AMBRA1: variants seen among roughly 807,000 people sequenced by gnomAD.
AMBRA1 encodes activating molecule in BECN1-regulated autophagy protein 1.
AMBRA1 carries 47 observed loss-of-function variants against 125.4 expected under a neutral mutation model. The ratio of observed to expected loss-of-function variants is 0.37; its 90% CI spans 0.30 to 0.48. AMBRA1 has a LOEUF of 0.48. Among genes scored for constraint, AMBRA1 ranks in the 20% least tolerant of loss-of-function variants. AMBRA1 has a pLI of 0.99. For missense variants in AMBRA1, 1,331 were observed against 1,693.4 expected, an observed-to-expected ratio of 0.79 and a Z score of 3.76; for synonymous variants, 626 against 655.5, an observed-to-expected ratio of 0.95 and a Z score of 0.69.
chr11:46,558,273 G>A (rs552006252), intron 1 of AMBRA1, among the ~76,000 whole-genome samples: 123 of 151,862 alleles, frequency 8.1e-4, no homozygotes, highest in African/African-American at 2.9e-3. Flanking sequence ...TAATATCACC[G>A]GGCGCAGTCG....
chr11:46,427,940 C>A (rs927675275), intron 14 of AMBRA1, among the ~76,000 whole-genome samples: 5 of 133,460 alleles, frequency 3.7e-5, no homozygotes, highest in African/African-American at 1.4e-4. Context: ...ACCCAGGTGG[C>A]GGAGGTTGCA....
At chr11:46,526,463 CT>C (rs953911404) in intron 7 of AMBRA1, among the ~76,000 whole-genome samples, 6 of 150,052 alleles carry the variant, frequency 4.0e-5, no homozygotes, top group Admixed American at 6.7e-5. Context: ...AGAACTGTCA[CT>C]TTTGGAAACC....
intron 1 of AMBRA1, among the ~76,000 whole-genome samples, chr11:46,576,172 C>T (rs993172681): frequency 6.6e-6 from 1 of 151,904 alleles, no homozygotes; most frequent in Non-Finnish European, 1.5e-5. Flanking sequence ...ATGTGAAATC[C>T]AAAAAGATTT....
chr11:46,403,969 G>C (rs1183557724), intron 17 of AMBRA1, among the ~76,000 whole-genome samples: 1 of 152,184 alleles, frequency 6.6e-6, no homozygotes, highest in Admixed American at 6.5e-5. Context: ...GGAGGCCAAG[G>C]TGGGAGGATC....
intron 17 of AMBRA1, among the ~76,000 whole-genome samples, chr11:46,406,371 TTA>T (rs1491261154): frequency 1.3e-4 from 3 of 23,308 alleles, no homozygotes; most frequent in African/African-American, 2.5e-4. Context: ...TATCTTTAAA[TTA>T]AAAAAAAAAA....
intron 11 of AMBRA1, among the ~76,000 whole-genome samples, chr11:46,452,153 T>C (rs1948633526): frequency 6.6e-6 from 1 of 152,098 alleles, no homozygotes; most frequent in South Asian, 2.1e-4. Context: ...ACTATTCAAA[T>C]AAATGTCTAT....
chr11:46,454,404 T>C (rs1253576748), intron 11 of AMBRA1, among the ~76,000 whole-genome samples: 23 of 151,492 alleles, frequency 1.5e-4, no homozygotes, highest in Admixed American at 1.3e-4. Flanking sequence ...CAGGATTACA[T>C]GGCCACAGCA....
chr11:46,532,664 T>A (rs1336966271), intron 7 of AMBRA1, among the ~76,000 whole-genome samples: 1 of 152,224 alleles, frequency 6.6e-6, no homozygotes. Flanking sequence ...CTCAAACTCC[T>A]GACCTTGTGA....
In AMBRA1 at chr11:46,542,351, T is replaced by G; in HGVS notation, c.1666A>C (p.Asn556His). 1 of 1,614,124 alleles carries G rather than the reference T, an allele frequency of 6.2e-7. No individual in the cohort carries two copies. The highest frequency in any genetic ancestry group is 1.1e-5 in the South Asian group (1 of 91,074). Residue 556 changes from asparagine to histidine, a missense_variant, in exon 7 of 18, where the codon AAC becomes CAC. By Grantham distance (68) the Asn-to-His change is moderately conservative. This residue lies in a region of AMBRA1 where 689 missense variants were observed against 776.5 expected (regional missense o/e 0.89). Transcript: ENST00000683756. The surrounding 1 kb of genome is among the most constrained non-coding windows in gnomAD (Gnocchi z 5.9). ...TGGCCACGGGACAGGTTGGAGTTGT[T>G]CTCACTGCTGTGTGGGGTGGGCTGG... The part of the protein sequence containing the change: ...SHQPTPHSSE[N>H]NSNLSRGHLN...
intron 1 of AMBRA1, among the ~76,000 whole-genome samples, chr11:46,557,714 G>A (rs1565294275): frequency 6.6e-6 from 1 of 151,988 alleles, no homozygotes; most frequent in African/African-American, 2.4e-5. Flanking sequence ...AGGCTGAGGT[G>A]GGAGGATAGC....
At position 46,418,290 on chromosome 11, in the gene AMBRA1, TATAA is replaced by T. The variant is rs1277517137; in HGVS notation, c.2977-242_2977-239del. On this transcript the variant is annotated intron_variant, in intron 14 of 17. Coordinates refer to ENST00000683756, the MANE Select transcript of AMBRA1 (RefSeq NM_001387011.1). Reference sequence around the variant, plus strand: ...TATATAATATGTTTTATTATTTATATATAAATATATAATATATATTTTATTATTT... The same window carrying T: ...TATATAATATGTTTTATTATTTATATATATATAATATATATTTTATTATTT... Among the ~76,000 whole-genome samples, 31 of 141,864 alleles carry T rather than the reference TATAA, an allele frequency of 2.2e-4. No homozygotes were observed. In the East Asian group the frequency reaches 3.9e-3, roughly 18 times the overall value. The allele number at this position is 141,864 out of a possible 152,430, so 93.1% of individuals were successfully genotyped here.
At chr11:46,505,556 A>G (rs1363295866) in intron 9 of AMBRA1, among the ~76,000 whole-genome samples, 1 of 152,172 alleles carries the variant, frequency 6.6e-6, no homozygotes, top group Non-Finnish European at 1.5e-5. Context: ...GTATGAGAGA[A>G]ATCAGTCCAT....
chr11:46,495,028 A>C (rs1231479619), intron 9 of AMBRA1: 1 of 152,256 alleles, frequency 6.6e-6, no homozygotes, highest in East Asian at 1.9e-4. Flanking sequence ...TCACATAACT[A>C]GTAAGTGGTT....
intron 1 of AMBRA1, among the ~76,000 whole-genome samples, chr11:46,554,991 G>T (rs563537938): frequency 1.3e-5 from 2 of 152,234 alleles, no homozygotes; most frequent in African/African-American, 4.8e-5. Flanking sequence ...AAGGTTGCTT[G>T]AGTCCAGGAG....
chr11:46,496,730 G>A (rs189346362), intron 9 of AMBRA1, among the ~76,000 whole-genome samples: 34 of 151,864 alleles, frequency 2.2e-4, no homozygotes, highest in Admixed American at 1.5e-3. Flanking sequence ...CCCGTACAAC[G>A]TAGGTCACAA....
At chr11:46,407,331 G>A (rs1946073442) in intron 17 of AMBRA1, among the ~76,000 whole-genome samples, 1 of 152,248 alleles carries the variant, frequency 6.6e-6, no homozygotes, top group Admixed American at 6.5e-5. Flanking sequence ...CTACTGAGAG[G>A]GCTGGCCTGC....
intron 14 of AMBRA1, among the ~76,000 whole-genome samples, chr11:46,421,853 T>C (rs541860901): frequency 6.6e-6 from 1 of 152,330 alleles, no homozygotes; most frequent in Admixed American, 6.5e-5. Flanking sequence ...AGTCCCCTTT[T>C]AGATTTCCAC....
chr11:46,533,472 G>A (rs964402599), intron 7 of AMBRA1, among the ~76,000 whole-genome samples: 1 of 152,162 alleles, frequency 6.6e-6, no homozygotes, highest in Non-Finnish European at 1.5e-5. Flanking sequence ...CTTGTTTGGA[G>A]GTTGGGGAAG....
In AMBRA1 at chr11:46,409,489, C is replaced by T. The variant is rs1157192143; in HGVS notation, c.3210-783G>A. On this transcript the variant is annotated intron_variant, in intron 16 of 17. Coordinates refer to ENST00000683756, the MANE Select transcript of AMBRA1 (RefSeq NM_001387011.1). ...CTGGGATTACAGGCATGAGCCACCG[C>T]GCCCATCCAGGACTGGAACTCTTAT... is the stretch of plus-strand genomic sequence containing the variant. 4.6e-5 allele frequency among the ~76,000 whole-genome samples: 7 copies of T among 152,292 alleles called. No homozygotes were observed. The South Asian group carries it at 8.3e-4, about 18-fold the overall frequency.
Sources: allele counts gnomAD v4.1 joint callset (sites outside exome capture counted in the v4.1 genomes callset), GRCh38; gene constraint gnomAD v4.1.1; regional missense constraint gnomAD v4.1.1; non-coding constraint Gnocchi (gnomAD v3.1); transcripts MANE v1.5; gene names NCBI Gene and HGNC (gene_info 2026-07-23, HGNC 2026-07-21).